Variants in SCNN1B observed in about 807,000 individuals in gnomAD.
SCNN1B encodes epithelial sodium channel subunit beta.
A neutral mutation model predicts 65.3 loss-of-function variants in SCNN1B; 46 were observed. The observed-to-expected ratio is 0.70, with a 90% CI of 0.56 to 0.90. SCNN1B has a LOEUF of 0.90. Ranked by LOEUF, SCNN1B falls within the 40% of genes least tolerant of loss-of-function variation. The pLI is 0.00. For synonymous variants in SCNN1B, 349 were observed against 330.6 expected (o/e 1.06, Z -0.60); for missense variants, 751 against 830.5 (o/e 0.90, Z 1.18).
chr16:23,355,636 T>C lies in SCNN1B; in HGVS notation c.776+147T>C, dbSNP rs1962405398. The C allele has an allele frequency of 6.2e-6, 5 of 803,740 alleles. No individual in the cohort carries two copies. In the Admixed American group the frequency reaches 1.0e-4, roughly 16 times the overall value. The allele number at this position is 803,740 out of a possible 1,614,324, so 49.8% of individuals were successfully genotyped here. A position where few individuals can be genotyped will look rare whatever the true frequency, so the allele number is the denominator to read the frequency against. On this transcript the variant is annotated intron_variant, in intron 4 of 12. Transcript: ENST00000343070. ...GCACAGTTTTCTGTGCCTCGGTGTC[T>C]TTTAGGTCCTGTTTCCTGGAGGCAG...
rs1488749497 is a variant in SCNN1B at position 23,380,691 on chromosome 16, C to A, written c.1813C>A (p.Pro605Thr). The A allele has an allele frequency of 1.2e-6, 2 of 1,612,534 alleles. No homozygotes were observed. The highest frequency in any genetic ancestry group is 1.7e-5 in the Admixed American group (1 of 59,996). ...CCGCAGCCCCAACACTGGGCCCTACCCCAGTGAGCAGGCCCTGCCCATCCC... is the reference window on the plus strand; with the variant it reads ...CCGCAGCCCCAACACTGGGCCCTACACCAGTGAGCAGGCCCTGCCCATCCC... ...APRSPNTGPY[P>T]SEQALPIPGT... The change falls in exon 13 of 13, where the codon CCC (proline) becomes ACC (threonine). Residue 605 changes from proline (P) to threonine (T), a missense_variant. Coordinates refer to ENST00000343070, the MANE Select transcript of SCNN1B (RefSeq NM_000336.3). The surrounding 1 kb of genome is among the most constrained non-coding windows in gnomAD (Gnocchi z 5.4).
rs973170568 is a variant in SCNN1B at position 23,322,385 on chromosome 16, C to T, written c.-9+19948C>T. Among the ~76,000 whole-genome samples the T allele has an allele frequency of 6.6e-5, 10 of 152,152 alleles. No individual in the cohort carries two copies. The East Asian group carries it at 7.7e-4, about 12-fold the overall frequency. The stretch of plus-strand genomic sequence containing the variant: ...ACATGATCACGGGTCACTGCAGCCT[C>T]GACCTCCCGGGTTCCAGCGATCCTT... On this transcript the variant is annotated intron_variant, in intron 1 of 12. Transcript: ENST00000343070.
intron 1 of SCNN1B, among the ~76,000 whole-genome samples, chr16:23,341,903 T>G (rs1271872579): frequency 6.6e-6 from 1 of 152,238 alleles, no homozygotes; most frequent in African/African-American, 2.4e-5. Flanking sequence ...GCAGCCATTT[T>G]GGAAAACAGT....
intron 2 of SCNN1B, among the ~76,000 whole-genome samples, chr16:23,288,558 C>G (rs1481561652): frequency 6.6e-6 from 1 of 152,144 alleles, no homozygotes; most frequent in Non-Finnish European, 1.5e-5. Flanking sequence ...AATCTCAGCA[C>G]TTTGGGAGGC....
At chr16:23,360,961 A>G (rs1448900641) in intron 4 of SCNN1B, among the ~76,000 whole-genome samples, 1 of 151,948 alleles carries the variant, frequency 6.6e-6, no homozygotes, top group Non-Finnish European at 1.5e-5. Context: ...CAACCGGCTA[A>G]TTTTTTGTAT....
At chr16:23,313,726 C>T (rs1654126846) in intron 1 of SCNN1B, among the ~76,000 whole-genome samples, 2 of 152,162 alleles carry the variant, frequency 1.3e-5, no homozygotes. Flanking sequence ...ATTCTCCTGC[C>T]CCAGCCTCCC....
At chr16:23,326,031 C>T (rs1030534808) in intron 1 of SCNN1B, among the ~76,000 whole-genome samples, 2 of 151,902 alleles carry the variant, frequency 1.3e-5, no homozygotes, top group Admixed American at 6.6e-5. Flanking sequence ...GCTATGATTG[C>T]ACCACTGCAC....
At chr16:23,293,114 C>CAAAAAAAAAAAAAAAAAAAAAAAAA (rs1191618996) in intron 2 of SCNN1B, among the ~76,000 whole-genome samples, 1 of 34,160 alleles carries the variant, frequency 2.9e-5, no homozygotes, top group East Asian at 1.5e-3. Flanking sequence ...GACTCATTCT[C>CAAAAAAAAAAAAAAAAAAAAAAAAA]AAAAAAAAAA....
At chr16:23,343,757 A>G (rs1567304608) in intron 1 of SCNN1B, among the ~76,000 whole-genome samples, 1 of 152,192 alleles carries the variant, frequency 6.6e-6, no homozygotes. Context: ...GGGCCAATGT[A>G]TAGTCAGCAA....
chr16:23,375,884 C>T (rs1962884260), intron 8 of SCNN1B, 29 bp downstream of exon 8: 4 of 1,432,814 alleles, frequency 2.8e-6, no homozygotes, highest in South Asian at 1.1e-5. Flanking sequence ...GATCGGCACT[C>T]CAGCCATCTG....
Position 23,348,799 on chromosome 16 carries a change from G to T in SCNN1B, c.200G>T (p.Trp67Leu). The T allele has an allele frequency of 6.2e-7, 1 of 1,614,184 alleles. No homozygotes were observed. Among genetic ancestry groups the T allele is most frequent in the Non-Finnish European group, 8.5e-7 (1 of 1,180,044 alleles). Residue 67 changes from tryptophan to leucine, a missense_variant, in exon 2 of 13, where the codon TGG (tryptophan) becomes TTG (leucine). Physicochemically the swap from Trp to Leu is moderately conservative, Grantham distance 61. Transcript: ENST00000343070. The surrounding 1 kb of genome is among the most constrained non-coding windows in gnomAD (Gnocchi z 4.5). ...TTCGCCGCCCTCGTCTGCTGGCAGT[G>T]GGGCATCTTCATCAGGACCTACTTG... ...LLFAALVCWQ[W>L]GIFIRTYLSW...
In SCNN1B at chr16:23,378,782, G is replaced by A. The variant is rs772978232; in HGVS notation, c.1466+15G>A. The A allele has an allele frequency of 9.9e-6, 16 of 1,613,502 alleles. No individual in the cohort carries two copies. Among genetic ancestry groups the A allele is most frequent in the Non-Finnish European group, 1.4e-5 (16 of 1,179,588 alleles). On this transcript the variant is annotated intron_variant, in intron 11 of 12. Coordinates refer to ENST00000343070, the MANE Select transcript of SCNN1B (RefSeq NM_000336.3). ...ACCCTGAGCAGGTGAGCCTGAGCCT[G>A]GGCGGGGCTGGGGAAGACAGGGAAG... is the stretch of plus-strand genomic sequence containing the variant.
rs551036448 is a variant in SCNN1B, at chr16:23,340,240, G to A, written c.-8-8352G>A. On this transcript the variant is annotated intron_variant, in intron 1 of 12. Coordinates refer to ENST00000343070, the MANE Select transcript of SCNN1B (RefSeq NM_000336.3). ...GTATTCCAAGTATTTTCTCCCAGGA[G>A]CTTGCTCTCTCATTTTCTCAACCAT... Among the ~76,000 whole-genome samples, 3 of 152,242 alleles carry A rather than the reference G, an allele frequency of 2.0e-5. No individual in the cohort carries two copies. The East Asian group carries it at 5.8e-4, about 29-fold the overall frequency.
At chr16:23,327,825 T>C (rs569226068) in intron 1 of SCNN1B, among the ~76,000 whole-genome samples, 8 of 152,290 alleles carry the variant, frequency 5.3e-5, no homozygotes, top group African/African-American at 1.9e-4. Flanking sequence ...AAAGGCCAGA[T>C]GTACACTTGT....
intron 2 of SCNN1B, among the ~76,000 whole-genome samples, chr16:23,289,595 C>T (rs1960894476): frequency 6.6e-6 from 1 of 151,154 alleles, no homozygotes; most frequent in Non-Finnish European, 1.5e-5. Context: ...AAATATAGAA[C>T]CAGAGAGAAA....
chr16:23,316,249 C>T (rs1178606956), intron 1 of SCNN1B, among the ~76,000 whole-genome samples: 2 of 151,514 alleles, frequency 1.3e-5, no homozygotes, highest in Non-Finnish European at 2.9e-5. Context: ...TCACCACCAT[C>T]ATCACAACCA....
At chr16:23,283,094 G>T (rs1304987623) in intron 1 of SCNN1B, among the ~76,000 whole-genome samples, 1 of 152,210 alleles carries the variant, frequency 6.6e-6, no homozygotes, top group Non-Finnish European at 1.5e-5. Flanking sequence ...TCATAGCTTA[G>T]TCTAGCTCCC....
chr16:23,354,005 T>C (rs979894571), intron 3 of SCNN1B, among the ~76,000 whole-genome samples: 2 of 152,108 alleles, frequency 1.3e-5, no homozygotes, highest in African/African-American at 2.4e-5. Flanking sequence ...ATAATCAATC[T>C]TGGATGGGGA....
intron 2 of SCNN1B, among the ~76,000 whole-genome samples, chr16:23,296,601 G>A (rs186672234): frequency 4.5e-4 from 69 of 152,226 alleles, no homozygotes; most frequent in African/African-American, 1.6e-3. Flanking sequence ...GGGAAATATT[G>A]GAGACAGAAA....
Sources: allele counts gnomAD v4.1 joint callset (sites outside exome capture counted in the v4.1 genomes callset), GRCh38; gene constraint gnomAD v4.1.1; non-coding constraint Gnocchi (gnomAD v3.1); transcripts MANE v1.5; gene names NCBI Gene and HGNC (gene_info 2026-07-23, HGNC 2026-07-21).